Variants in CERS3 observed in about 807,000 individuals in gnomAD.
CERS3 encodes the protein LAG1 homolog, ceramide synthase 3.
CERS3 carries 33 observed loss-of-function variants against 50.3 expected under a neutral mutation model. The observed-to-expected ratio is 0.66, with a 90% CI of 0.50 to 0.88. CERS3 has a LOEUF of 0.88. Among genes scored for constraint, CERS3 ranks in the 40% least tolerant of loss-of-function variants. The pLI is 0.00. For missense variants in CERS3, 470 were observed against 460.3 expected (o/e 1.02, Z -0.19); for synonymous variants, 176 against 155.2 (o/e 1.13, Z -0.99).
chr15:100,424,970 T>G (rs1341472409), intron 11 of CERS3, among the ~76,000 whole-genome samples: 1 of 152,176 alleles, frequency 6.6e-6, no homozygotes, highest in Admixed American at 6.5e-5. Context: ...CAGATATGTC[T>G]CAGGCCACTG....
chr15:100,486,195 G>T (rs1301411545), intron 4 of CERS3, among the ~76,000 whole-genome samples: 1 of 152,210 alleles, frequency 6.6e-6, no homozygotes, highest in Non-Finnish European at 1.5e-5. Flanking sequence ...CCTGCCTGTG[G>T]GCCAGATGGC....
intron 10 of CERS3, among the ~76,000 whole-genome samples, chr15:100,462,896 T>C (rs2034597492): frequency 6.6e-6 from 1 of 152,180 alleles, no homozygotes; most frequent in Admixed American, 6.5e-5. Context: ...ACATGGAAGG[T>C]AGATTGCTAC....
intron 4 of CERS3, 47 bp from the exon 5 acceptor site, chr15:100,484,715 G>T (rs1233152436): frequency 2.2e-6 from 3 of 1,350,110 alleles, no homozygotes; most frequent in East Asian, 2.3e-5. Flanking sequence ...AACAGAGTCA[G>T]ACTGGCAGGC....
intron 11 of CERS3, among the ~76,000 whole-genome samples, chr15:100,450,330 A>G (rs2034109752): frequency 6.7e-6 from 1 of 148,646 alleles, no homozygotes; most frequent in African/African-American, 2.5e-5. Context: ...AGGCAGGGGA[A>G]TTGCTTGAAC....
chr15:100,511,120 C>T (rs1301241264), intron 2 of CERS3, among the ~76,000 whole-genome samples: 3 of 151,992 alleles, frequency 2.0e-5, no homozygotes, highest in African/African-American at 7.3e-5. Context: ...GAAACTGCAT[C>T]TCCACTAAAA....
chr15:100,439,437 GT>G (rs953093358), intron 11 of CERS3, among the ~76,000 whole-genome samples: 3 of 152,100 alleles, frequency 2.0e-5, no homozygotes, highest in African/African-American at 7.2e-5. Context: ...CTTACTGAGA[GT>G]TTTCCATGTG....
chr15:100,430,187 C>T (rs1050535955), intron 11 of CERS3, among the ~76,000 whole-genome samples: 2 of 151,850 alleles, frequency 1.3e-5, no homozygotes, highest in African/African-American at 2.4e-5. Context: ...TGGGGGGCGC[C>T]TGTAGTCCCA....
At chr15:100,518,994 T>C (rs1421756776) in intron 2 of CERS3, among the ~76,000 whole-genome samples, 2 of 152,158 alleles carry the variant, frequency 1.3e-5, no homozygotes, top group Non-Finnish European at 2.9e-5. Context: ...AAACCGTCTC[T>C]ACTAAAAATA....
chr15:100,496,592 C>G (rs1229357741), intron 3 of CERS3, among the ~76,000 whole-genome samples: 1 of 152,082 alleles, frequency 6.6e-6, no homozygotes, highest in African/African-American at 2.4e-5. Context: ...GTATCATAAT[C>G]GTGGTGATGC....
intron 11 of CERS3, among the ~76,000 whole-genome samples, chr15:100,439,841 T>A (rs1456754235): frequency 6.6e-6 from 1 of 152,144 alleles, no homozygotes; most frequent in Non-Finnish European, 1.5e-5. Flanking sequence ...TGTGGGGGCC[T>A]CCACAACTCC....
At position 100,458,364 on chromosome 15, in the gene CERS3, T is replaced by C. The variant is rs370264834; in HGVS notation, c.846-2318A>G. Reference sequence around the variant, plus strand: ...CTTTGGGAGGCTGAGGCAGGTGCATTACCTGAGGTCAGGAGTTCAAGACCA... The same window carrying C: ...CTTTGGGAGGCTGAGGCAGGTGCATCACCTGAGGTCAGGAGTTCAAGACCA... On this transcript the variant is annotated intron_variant, in intron 10 of 11. Transcript: ENST00000679737. Among the ~76,000 whole-genome samples the C allele has an allele frequency of 1.1e-4, 16 of 152,080 alleles. No individual in the cohort carries two copies. The South Asian group carries it at 2.7e-3, about 26-fold the overall frequency.
intron 11 of CERS3, among the ~76,000 whole-genome samples, chr15:100,420,836 T>C (rs2032370338): frequency 6.6e-6 from 1 of 152,046 alleles, no homozygotes; most frequent in Non-Finnish European, 1.5e-5. Context: ...AAAAACCACA[T>C]GATTGTCTCA....
At chr15:100,450,863 ACAG>A (rs1175960973) in intron 11 of CERS3, among the ~76,000 whole-genome samples, 4 of 152,276 alleles carry the variant, frequency 2.6e-5, no homozygotes, top group African/African-American at 9.6e-5. Flanking sequence ...CAGAAACCTT[ACAG>A]GCCAGGGGAA....
At chr15:100,530,875 G>A (rs137970461), upstream of CERS3, among the ~76,000 whole-genome samples, 2,054 of 152,248 alleles carry the variant, frequency 0.013, 25 homozygotes, top group East Asian at 0.028. Flanking sequence ...TTGAGGTCAG[G>A]AGTTTGAGAC....
At chr15:100,535,368 G>T (rs1426188977) in intron 1 of CERS3, among the ~76,000 whole-genome samples, 1 of 152,178 alleles carries the variant, frequency 6.6e-6, no homozygotes, top group African/African-American at 2.4e-5. Flanking sequence ...TATTTACTGG[G>T]TTCATACCAT....
intron 11 of CERS3, among the ~76,000 whole-genome samples, chr15:100,450,383 A>T (rs1190729503): frequency 7.2e-6 from 1 of 138,684 alleles, no homozygotes; most frequent in Non-Finnish European, 1.5e-5. Flanking sequence ...GTGCCACTGC[A>T]CTCCAGCCTG....
chr15:100,487,267 G>A (rs1257734286), intron 4 of CERS3, among the ~76,000 whole-genome samples: 3 of 152,220 alleles, frequency 2.0e-5, no homozygotes, highest in African/African-American at 7.2e-5. Flanking sequence ...GGAAGTCAGT[G>A]CATGACAGGC....
chr15:100,498,120 G>A (rs546754722), intron 3 of CERS3, among the ~76,000 whole-genome samples: 10 of 151,916 alleles, frequency 6.6e-5, no homozygotes, highest in African/African-American at 2.2e-4. Flanking sequence ...GGTCTCGATC[G>A]CCTGATCTCG....
chr15:100,509,385 C>T (rs2036273700), intron 2 of CERS3, among the ~76,000 whole-genome samples: 1 of 152,172 alleles, frequency 6.6e-6, no homozygotes, highest in East Asian at 1.9e-4. Context: ...GGTAATTATT[C>T]ATCCAATTCA....
Sources: gnomAD v4.1 joint callset for allele counts (sites outside exome capture counted in the v4.1 genomes callset) on GRCh38, gnomAD v4.1.1 for gene constraint, MANE v1.5 for transcripts, NCBI Gene and HGNC (gene_info 2026-07-23, HGNC 2026-07-21) for gene names.